The following NAALAD2 variants were observed in gnomAD, a reference collection of about 807,000 sequenced individuals.
NAALAD2 encodes the protein N-acetylated-alpha-linked acidic dipeptidase 2.
In NAALAD2, 89 loss-of-function variants were observed where a neutral mutation model predicts 95.6. The ratio of observed to expected loss-of-function variants is 0.93; its 90% CI spans 0.78 to 1.11. The LOEUF is 1.11. Ranked by LOEUF, NAALAD2 falls within the 50% of genes least tolerant of loss-of-function variation. The probability of loss-of-function intolerance (pLI) is 0.00; values close to 1 mark genes in which losing one functional copy is unlikely to be tolerated. For synonymous variants in NAALAD2, 264 were observed against 294.4 expected (o/e 0.90, Z 1.06); for missense variants, 894 against 872.4 (o/e 1.02, Z -0.31).
chr11:90,151,908 A>G (rs1355798754), intron 5 of NAALAD2, among the ~76,000 whole-genome samples: 1 of 152,162 alleles, frequency 6.6e-6, no homozygotes, highest in African/African-American at 2.4e-5. Flanking sequence ...AGTAGTTTAA[A>G]ATTAAGAACA....
In NAALAD2 at chr11:90,147,959, T is replaced by A. The variant is rs369165991; in HGVS notation, c.381+443T>A. On this transcript the variant is annotated intron_variant, in intron 3 of 18. Coordinates refer to ENST00000534061, the MANE Select transcript of NAALAD2 (RefSeq NM_005467.4). The stretch of plus-strand genomic sequence containing the variant: ...GGAGGCATATACTAGCCTAGTTTTA[T>A]TGGGAGAATGTAATGATTTTCTGTA... 2.8e-4 allele frequency among the ~76,000 whole-genome samples: 42 copies of A among 152,272 alleles called. No homozygotes were observed. The South Asian group carries it at 8.5e-3, about 31-fold the overall frequency.
chr11:90,187,656 G>A (rs1186538583), intron 18 of NAALAD2, among the ~76,000 whole-genome samples: 1 of 152,038 alleles, frequency 6.6e-6, no homozygotes, highest in Non-Finnish European at 1.5e-5. Context: ...TGTATATCAG[G>A]TTAAAAATGA....
intron 16 of NAALAD2, among the ~76,000 whole-genome samples, chr11:90,180,620 C>T (rs1044324668): frequency 2.0e-5 from 3 of 151,858 alleles, no homozygotes; most frequent in Admixed American, 6.6e-5. Context: ...AAATGAATAT[C>T]GTATCTCCTG....
rs748303091 is a variant in NAALAD2 at position 90,169,010 on chromosome 11, T to G, written c.1342+18T>G. The stretch of plus-strand genomic sequence containing the variant: ...TATAGAAGGTAAATTTTATTTCAAT[T>G]TGAAGTGAAATTTTCAGAAAGGAAA... On this transcript the variant is annotated intron_variant, in intron 12 of 18. Transcript: ENST00000534061. 1 of 1,581,184 alleles carries G rather than the reference T, an allele frequency of 6.3e-7. No homozygotes were observed. Among genetic ancestry groups the G allele is most frequent in the Non-Finnish European group, 8.6e-7 (1 of 1,162,604 alleles).
intron 17 of NAALAD2, among the ~76,000 whole-genome samples, chr11:90,182,281 G>A (rs1380362788): frequency 2.0e-5 from 3 of 150,158 alleles, no homozygotes; most frequent in African/African-American, 7.6e-5. Context: ...ATCCACAGAT[G>A]TGTCCATGTC....
chr11:90,176,444 G>T (rs1278287911), intron 15 of NAALAD2, among the ~76,000 whole-genome samples: 1 of 152,142 alleles, frequency 6.6e-6, no homozygotes, highest in African/African-American at 2.4e-5. Flanking sequence ...TGGTCAAGAG[G>T]AGCATTAGGG....
At chr11:90,181,021 G>A (rs1319729087) in intron 16 of NAALAD2, among the ~76,000 whole-genome samples, 1 of 152,014 alleles carries the variant, frequency 6.6e-6, no homozygotes, top group Non-Finnish European at 1.5e-5. Flanking sequence ...CATGGAATAT[G>A]GTTATCTGCA....
Position 90,150,524 on chromosome 11 carries a change from T to G in NAALAD2, c.526T>G (p.Phe176Val). The change falls in exon 5 of 19, where the codon TTC (phenylalanine) becomes GTC (valine). Residue 176 changes from phenylalanine to valine, a missense_variant. Phe to Val is a conservative substitution (Grantham distance 50). Coordinates refer to ENST00000534061, the MANE Select transcript of NAALAD2 (RefSeq NM_005467.4). ...GAACTATGCTCGCACTGAAGACTTT[T>G]TCAAACTAGAAAGAGAGATGGGCAT... ...YVNYARTEDF[F>V]KLEREMGINC... The G allele has an allele frequency of 6.2e-7, 1 of 1,611,976 alleles. No individual in the cohort carries two copies. The highest frequency in any genetic ancestry group is 1.7e-5 in the Admixed American group (1 of 59,996).
chr11:90,179,404 G>C (rs1591021976), intron 16 of NAALAD2, among the ~76,000 whole-genome samples: 1 of 151,988 alleles, frequency 6.6e-6, no homozygotes, highest in Non-Finnish European at 1.5e-5. Flanking sequence ...ATGGGGCTAT[G>C]TAGAGAGTAC....
chr11:90,164,737 C>T (rs1047220267), intron 11 of NAALAD2, among the ~76,000 whole-genome samples: 2 of 152,094 alleles, frequency 1.3e-5, no homozygotes, highest in Non-Finnish European at 2.9e-5. Flanking sequence ...TTAACTTCAC[C>T]TGGTTTTTCA....
chr11:90,179,824 A>G (rs1213216766), intron 16 of NAALAD2, among the ~76,000 whole-genome samples: 1 of 152,074 alleles, frequency 6.6e-6, no homozygotes, highest in East Asian at 1.9e-4. Context: ...TAATTCTTCT[A>G]CCTACTTACC....
At chr11:90,175,930 G>GTGTC in intron 14 of NAALAD2, 42 bp from the exon 15 acceptor site, 1 of 735,326 alleles carries the variant, frequency 1.4e-6, no homozygotes, top group Non-Finnish European at 2.1e-6. Flanking sequence ...ACTTGTTTAT[G>GTGTC]TGTGTGTGTG....
At chr11:90,166,067 T>G (rs1017994842) in intron 11 of NAALAD2, among the ~76,000 whole-genome samples, 1 of 152,220 alleles carries the variant, frequency 6.6e-6, no homozygotes. Context: ...ATGGAAACTC[T>G]GATTTTATAT....
chr11:90,135,533 C>T, intron 1 of NAALAD2, 26 bp from the exon 2 acceptor site: 4 of 1,522,766 alleles, frequency 2.6e-6, no homozygotes, highest in East Asian at 2.3e-5. Context: ...TGTATGTGTG[C>T]ATGTTTGTGT....
intron 6 of NAALAD2, among the ~76,000 whole-genome samples, chr11:90,157,022 G>A (rs1952136730): frequency 6.6e-6 from 1 of 152,080 alleles, no homozygotes; most frequent in Non-Finnish European, 1.5e-5. Flanking sequence ...TATGGTCTCT[G>A]TAATACATAT....
intron 18 of NAALAD2, among the ~76,000 whole-genome samples, chr11:90,186,505 A>C (rs568180807): frequency 2.2e-4 from 34 of 152,282 alleles, no homozygotes; most frequent in Middle Eastern, 3.4e-3. Context: ...ATGTGTCTTT[A>C]TAGCAGCATG....
chr11:90,156,929 T>C (rs1405220888), intron 6 of NAALAD2, among the ~76,000 whole-genome samples: 1 of 152,200 alleles, frequency 6.6e-6, no homozygotes, highest in Non-Finnish European at 1.5e-5. Context: ...CTAGGTATCT[T>C]TCTAATATTG....
intron 7 of NAALAD2, 119 bp from the exon 8 acceptor site, chr11:90,159,120 C>A (rs921551180): frequency 7.7e-6 from 6 of 779,598 alleles, no homozygotes; most frequent in African/African-American, 7.0e-5. Context: ...CAGTACCTGG[C>A]ACTTAGTAAA....
intron 3 of NAALAD2, among the ~76,000 whole-genome samples, 187 bp from the exon 4 acceptor site, chr11:90,148,819 A>G (rs1951815973): frequency 6.6e-6 from 1 of 152,204 alleles, no homozygotes; most frequent in Non-Finnish European, 1.5e-5. Flanking sequence ...GCATTTATAA[A>G]AGTTTCTATT....
Sources: allele counts gnomAD v4.1 joint callset (sites outside exome capture counted in the v4.1 genomes callset), GRCh38; gene constraint gnomAD v4.1.1; transcripts MANE v1.5; gene names NCBI Gene and HGNC (gene_info 2026-07-23, HGNC 2026-07-21).